ASAP3: variants seen among roughly 807,000 people sequenced by gnomAD.
The protein encoded by ASAP3 is arf-GAP with SH3 domain, ANK repeat and PH domain-containing protein 3.
Under a neutral mutation model 118.2 loss-of-function variants are expected in ASAP3, and 85 were observed. The ratio of observed to expected loss-of-function variants is 0.72; its 90% CI spans 0.60 to 0.86. ASAP3 has a LOEUF of 0.86. Ranked by LOEUF, ASAP3 falls within the 40% of genes least tolerant of loss-of-function variation. The pLI is 0.00. For missense variants in ASAP3, 1,026 were observed against 1,175.0 expected (o/e 0.87, Z 1.85); for synonymous variants, 432 against 477.4 (o/e 0.90, Z 1.24).
chr1:23,436,420 C>T lies in ASAP3; in HGVS notation c.1571+140G>A. ...TCAAGTGATCCGCCCGCCTTGGCCT[C>T]CCAAAGTGCTGGGATTACAGGCGTG... On this transcript the variant is annotated intron_variant, in intron 16 of 24. Transcript: ENST00000336689. The surrounding 1 kb of genome is among the most constrained non-coding windows in gnomAD (Gnocchi z 4.2). 2 of 933,080 alleles carry T rather than the reference C, an allele frequency of 2.1e-6. No homozygotes were observed. Among genetic ancestry groups the T allele is most frequent in the East Asian group, 2.6e-5 (1 of 38,452 alleles). The allele number at this position is 933,080 out of a possible 1,614,324, so 57.8% of individuals were successfully genotyped here. A position where few individuals can be genotyped will look rare whatever the true frequency, so the allele number is the denominator to read the frequency against.
chr1:23,433,011 T>C (rs1640493523), intron 22 of ASAP3, 66 bp downstream of exon 22: 2 of 1,583,390 alleles, frequency 1.3e-6, no homozygotes, highest in Non-Finnish European at 8.6e-7. Context: ...CTCAGCTCAG[T>C]GCCCCAGCAT....
rs138426539 is a variant in ASAP3 at position 23,442,091 on chromosome 1, C to T, written c.671+95G>A. The T allele has an allele frequency of 1.7e-4, 222 of 1,311,436 alleles. No individual in the cohort carries two copies. The African/African-American group carries it at 3.0e-3, about 18-fold the overall frequency. 81.2% of individuals were successfully genotyped at this position (1,311,436 alleles called of 1,614,324 possible). A position where few individuals can be genotyped will look rare whatever the true frequency, so the allele number is the denominator to read the frequency against. On this transcript the variant is annotated intron_variant, in intron 7 of 24. Transcript: ENST00000336689. ...GAAAGTTCTGCCAAAAAGATGCAGG[C>T]CTCCAAAGAGACTCTCAGGTCTATC...
intron 21 of ASAP3, 55 bp downstream of exon 21, chr1:23,433,370 A>G (rs1640516342): frequency 1.2e-6 from 2 of 1,613,482 alleles, no homozygotes; most frequent in African/African-American, 2.7e-5. Flanking sequence ...ACCAGGCCCA[A>G]TCTGGCTCTT....
Position 23,435,892 on chromosome 1 carries a change from C to T in ASAP3, c.1708G>A (p.Gly570Arg). 1 of 1,614,262 alleles carries T rather than the reference C, an allele frequency of 6.2e-7. No homozygotes were observed. The highest frequency in any genetic ancestry group is 8.5e-7 in the Non-Finnish European group (1 of 1,180,056). ...GGCAGCGGCTGTCCAAAGTCCTGCC[C>T]ATTGGCAAAGGCCTCCAGTACCGAC... ...LLSVLEAFANGQDFGQPLPGP... is the reference protein window; with the variant it reads ...LLSVLEAFANRQDFGQPLPGP... Residue 570 changes from glycine to arginine, a missense_variant, in exon 17 of 25, where the codon GGG (glycine) becomes AGG (arginine). Gly to Arg is a moderately radical substitution (Grantham distance 125). Coordinates refer to ENST00000336689, the MANE Select transcript of ASAP3 (RefSeq NM_017707.4).
chr1:23,439,692 TG>T (rs1640796561), intron 10 of ASAP3, among the ~76,000 whole-genome samples: 1 of 152,116 alleles, frequency 6.6e-6, no homozygotes, highest in Admixed American at 6.5e-5. Context: ...ACACTTCTCC[TG>T]TAACAGGTAA....
At chr1:23,471,743 C>G (rs2148658234) in intron 1 of ASAP3, among the ~76,000 whole-genome samples, 1 of 152,240 alleles carries the variant, frequency 6.6e-6, no homozygotes, top group African/African-American at 2.4e-5. Context: ...TGAACTCAGT[C>G]AGGCATTTAA....
Position 23,484,154 on chromosome 1 carries a change from T to C in ASAP3, c.-21A>G, listed in dbSNP as rs763343234. ...GGCATGGCGGGCGCGAGCGTGGAGC[T>C]GCCGGAGCGGGGCGCGGGGGGCACT... is the stretch of plus-strand genomic sequence containing the variant. On this transcript the variant is annotated 5_prime_UTR_variant, in exon 1 of 25. Coordinates refer to ENST00000336689, the MANE Select transcript of ASAP3 (RefSeq NM_017707.4). 15 of 1,257,696 alleles carry C rather than the reference T, an allele frequency of 1.2e-5. No individual in the cohort carries two copies. The East Asian group carries it at 3.5e-4, about 29-fold the overall frequency. The allele number at this position is 1,257,696 out of a possible 1,614,324, so 77.9% of individuals were successfully genotyped here. A position where few individuals can be genotyped will look rare whatever the true frequency, so the allele number is the denominator to read the frequency against.
rs1383224296 is a variant in ASAP3, at chr1:23,437,503, C to T, written c.1103-31G>A. ...GGGAGAGAAGGGGGCTTCTGACCCA[C>T]AGAAATGCTGCTGGCCTTCCCGGAG... On this transcript the variant is annotated intron_variant, in intron 12 of 24. Transcript: ENST00000336689. This position sits in a 1 kb window ranked among gnomAD's most constrained non-coding sequence, Gnocchi z 6.1. 1.9e-6 allele frequency: 3 copies of T among 1,613,180 alleles called. No homozygotes were observed. Among genetic ancestry groups the T allele is most frequent in the Non-Finnish European group, 2.5e-6 (3 of 1,179,612 alleles).
intron 5 of ASAP3, 21 bp from the exon 6 acceptor site, chr1:23,442,633 A>G (rs1365977567): frequency 7.5e-6 from 12 of 1,610,674 alleles, no homozygotes; most frequent in Non-Finnish European, 1.0e-5. Context: ...AGGAAAGAGA[A>G]GCCTGAACAA....
At chr1:23,483,185 G>C (rs1174759938) in intron 1 of ASAP3, among the ~76,000 whole-genome samples, 1 of 152,260 alleles carries the variant, frequency 6.6e-6, no homozygotes, top group Non-Finnish European at 1.5e-5. Context: ...TGGAAGGCTA[G>C]AGCCGTTGCT....
chr1:23,458,147 G>C (rs1018100758), intron 1 of ASAP3, among the ~76,000 whole-genome samples: 3 of 152,142 alleles, frequency 2.0e-5, no homozygotes, highest in Non-Finnish European at 2.9e-5. Flanking sequence ...GAAAACAAAA[G>C]AATCAGGAAG....
In ASAP3 at chr1:23,436,030, T is replaced by C. The variant is rs1010763385; in HGVS notation, c.1572-2A>G. On this transcript the variant is annotated splice_acceptor_variant, in intron 16 of 24. Coordinates refer to ENST00000336689, the MANE Select transcript of ASAP3 (RefSeq NM_017707.4). LOFTEE classifies it high-confidence loss of function. The surrounding 1 kb of genome is among the most constrained non-coding windows in gnomAD (Gnocchi z 4.2). The stretch of plus-strand genomic sequence containing the variant: ...ATAATGTAGTCCCTGCGGGTGCCCC[T>C]ACCAAAAACAACCACAGGATCTCAG... 1 of 1,613,884 alleles carries C rather than the reference T, an allele frequency of 6.2e-7. No homozygotes were observed. Among genetic ancestry groups the C allele is most frequent in the Non-Finnish European group, 8.5e-7 (1 of 1,179,770 alleles).
At chr1:23,439,365 AC>A in intron 10 of ASAP3, 135 bp from the exon 11 acceptor site, 1 of 745,486 alleles carries the variant, frequency 1.3e-6, no homozygotes, top group Admixed American at 2.2e-5. Flanking sequence ...CTAACCCTAC[AC>A]CCCCACCCCT....
Position 23,437,459 on chromosome 1 carries a change from G to T in ASAP3, c.1116C>A (p.Tyr372Ter). 1 of 1,614,138 alleles carries T rather than the reference G, an allele frequency of 6.2e-7. No homozygotes were observed. The change falls in exon 13 of 25, where the codon TAC becomes TAA. Residue 372 changes from tyrosine (Y) to a stop codon, truncating the protein, a stop_gained. Transcript: ENST00000336689. LOFTEE classifies it high-confidence loss of function. This position sits in a 1 kb window ranked among gnomAD's most constrained non-coding sequence, Gnocchi z 6.1. ...CFDLVTHNRT[Y>*]HFQAEDEHEC... is the part of the protein sequence containing the mutation. ...CGTGCTCGTCCTCTGCCTGAAAGTG[G>T]TACGTCCGGTTGTCTGTCGGGAGAG...
intron 22 of ASAP3, among the ~76,000 whole-genome samples, chr1:23,432,581 C>T (rs534409808): frequency 6.6e-6 from 1 of 152,370 alleles, no homozygotes; most frequent in East Asian, 1.9e-4. Context: ...CAAGTCTGTT[C>T]CTTCATTCGA....
intron 1 of ASAP3, among the ~76,000 whole-genome samples, chr1:23,474,390 C>G (rs747776689): frequency 2.0e-5 from 3 of 152,066 alleles, no homozygotes; most frequent in Admixed American, 6.5e-5. Flanking sequence ...CCTCGGAACA[C>G]TTCTCTCCTG....
chr1:23,454,483 G>A (rs1336218470), intron 3 of ASAP3, among the ~76,000 whole-genome samples: 1 of 152,060 alleles, frequency 6.6e-6, no homozygotes, highest in Non-Finnish European at 1.5e-5. Flanking sequence ...ACCGCACCCG[G>A]CAATTTTCAT....
chr1:23,450,729 A>G (rs1641187869), intron 5 of ASAP3, among the ~76,000 whole-genome samples: 1 of 152,234 alleles, frequency 6.6e-6, no homozygotes. Context: ...TATTCATAAT[A>G]AGCATAAATT....
At chr1:23,475,515 G>A (rs994196882) in intron 1 of ASAP3, among the ~76,000 whole-genome samples, 5 of 152,168 alleles carry the variant, frequency 3.3e-5, no homozygotes, top group African/African-American at 1.2e-4. Context: ...CTCTGGGAAT[G>A]ACGCCAAGTG....
Sources: allele counts gnomAD v4.1 joint callset (sites outside exome capture counted in the v4.1 genomes callset), GRCh38; gene constraint gnomAD v4.1.1; non-coding constraint Gnocchi (gnomAD v3.1); transcripts MANE v1.5; gene names NCBI Gene and HGNC (gene_info 2026-07-23, HGNC 2026-07-21).